The following HPSE2 variants were observed in gnomAD, a reference collection of about 807,000 sequenced individuals.
The protein encoded by HPSE2 is heparanase 2 (inactive), also known as inactive heparanase-2.
In HPSE2, 38 loss-of-function variants were observed where a neutral mutation model predicts 60.5. The ratio of observed to expected loss-of-function variants is 0.63; its 90% confidence interval spans 0.48 to 0.82. HPSE2 has a LOEUF of 0.82. Ranked by LOEUF, HPSE2 falls within the 40% of genes least tolerant of loss-of-function variation. HPSE2 has a pLI of 0.00. For synonymous variants in HPSE2, 295 were observed against 293.2 expected (o/e 1.01, Z -0.06); for missense variants, 713 against 740.4 (o/e 0.96, Z 0.43).
intron 3 of HPSE2, among the ~76,000 whole-genome samples, chr10:98,899,671 G>A (rs1315959189): frequency 3.3e-5 from 5 of 151,596 alleles, no homozygotes; most frequent in Admixed American, 3.3e-4. Context: ...GCAAGTTTTG[G>A]TGAGGAGGTA....
intron 11 of HPSE2, among the ~76,000 whole-genome samples, chr10:98,466,083 C>T (rs574958692): frequency 6.6e-6 from 1 of 152,296 alleles, no homozygotes; most frequent in East Asian, 1.9e-4. Context: ...TATCACTGTT[C>T]TCGATAGCCA....
intron 5 of HPSE2, 94 bp downstream of exon 5, chr10:98,721,563 A>G (rs1948924030): frequency 1.6e-6 from 2 of 1,264,568 alleles, no homozygotes; most frequent in Non-Finnish European, 2.2e-6. Flanking sequence ...AGACCAAAAT[A>G]AATAAATAAA....
chr10:98,516,732 C>T (rs936562224), intron 9 of HPSE2, among the ~76,000 whole-genome samples: 4 of 152,200 alleles, frequency 2.6e-5, no homozygotes, highest in African/African-American at 9.6e-5. Context: ...CCCTGTATCC[C>T]TCTTTGCTGC....
At chr10:98,766,937 C>G (rs1320276355) in intron 3 of HPSE2, among the ~76,000 whole-genome samples, 1 of 151,660 alleles carries the variant, frequency 6.6e-6, no homozygotes, top group Non-Finnish European at 1.5e-5. Flanking sequence ...AAACAAAAAA[C>G]AAAACAAAAA....
chr10:98,745,795 G>A (rs17110771), intron 3 of HPSE2, among the ~76,000 whole-genome samples: 2 of 152,136 alleles, frequency 1.3e-5, no homozygotes, highest in African/African-American at 2.4e-5. Context: ...AGCCGTTAAA[G>A]CTAATGCAGA....
intron 9 of HPSE2, among the ~76,000 whole-genome samples, chr10:98,551,565 G>A (rs375327294): frequency 1.4e-4 from 21 of 152,266 alleles, no homozygotes; most frequent in African/African-American, 3.9e-4. Flanking sequence ...AATCAGAGAC[G>A]CAAACTGGCT....
chr10:98,535,370 G>T, intron 9 of HPSE2, among the ~76,000 whole-genome samples: 1 of 152,028 alleles, frequency 6.6e-6, no homozygotes, highest in East Asian at 1.9e-4. Context: ...GGAGCAGAGG[G>T]AAAGAAGAAA....
At chr10:98,777,812 C>T (rs1465370622) in intron 3 of HPSE2, among the ~76,000 whole-genome samples, 2 of 152,244 alleles carry the variant, frequency 1.3e-5, no homozygotes, top group Non-Finnish European at 2.9e-5. Context: ...TAAGCTACAG[C>T]CACATTTAAC....
At chr10:98,654,545 C>T (rs1421727384) in intron 6 of HPSE2, among the ~76,000 whole-genome samples, 2 of 152,168 alleles carry the variant, frequency 1.3e-5, no homozygotes, top group African/African-American at 4.8e-5. Context: ...ATTTTTGTGA[C>T]AATGTTTTTT....
intron 11 of HPSE2, among the ~76,000 whole-genome samples, chr10:98,481,323 A>G (rs997924985): frequency 3.9e-5 from 6 of 152,174 alleles, no homozygotes; most frequent in African/African-American, 1.4e-4. Flanking sequence ...AAATCTGAAG[A>G]TTAGGAAACT....
At chr10:98,724,979 A>T (rs960867835) in intron 4 of HPSE2, among the ~76,000 whole-genome samples, 5 of 152,172 alleles carry the variant, frequency 3.3e-5, no homozygotes, top group African/African-American at 7.2e-5. Flanking sequence ...CTGCTCAATG[A>T]AATAAAAGAC....
intron 9 of HPSE2, among the ~76,000 whole-genome samples, chr10:98,576,569 A>G (rs1249782520): frequency 6.6e-6 from 1 of 152,094 alleles, no homozygotes; most frequent in Non-Finnish European, 1.5e-5. Context: ...CAGAGGAGAG[A>G]AGAGGAAGCT....
chr10:98,972,126 T>C (rs1955971195), intron 3 of HPSE2, among the ~76,000 whole-genome samples: 1 of 152,124 alleles, frequency 6.6e-6, no homozygotes, highest in South Asian at 2.1e-4. Context: ...TCATTGTTTT[T>C]ATAATTAGCA....
At chr10:98,626,145 A>G in intron 7 of HPSE2, among the ~76,000 whole-genome samples, 1 of 152,164 alleles carries the variant, frequency 6.6e-6, no homozygotes. Context: ...AAAGATGAAT[A>G]AAAACAAGTA....
rs1370229972 is a variant in HPSE2 at position 98,474,471 on chromosome 10, G to A, written c.1613+8165C>T. On this transcript the variant is annotated intron_variant, in intron 11 of 11. Transcript: ENST00000370552. ...GATATTTTTAAAGTCTTAGCACCTG[G>A]GAGTTACTTGAGTATTTTCAGAACC... Among the ~76,000 whole-genome samples, 8 of 152,214 alleles carry A rather than the reference G, an allele frequency of 5.3e-5. No individual in the cohort carries two copies. The South Asian group carries it at 6.2e-4, about 12-fold the overall frequency.
intron 3 of HPSE2, among the ~76,000 whole-genome samples, chr10:99,025,531 C>T (rs1957359037): frequency 6.6e-6 from 1 of 151,994 alleles, no homozygotes; most frequent in South Asian, 2.1e-4. Flanking sequence ...AAAAAAAGAA[C>T]AAGATCATGT....
intron 3 of HPSE2, among the ~76,000 whole-genome samples, chr10:98,940,343 A>G (rs1306048118): frequency 7.0e-6 from 1 of 143,856 alleles, no homozygotes; most frequent in Non-Finnish European, 1.5e-5. Context: ...TAGCAAGACT[A>G]ATAAAGAAGA....
At chr10:99,114,501 T>A (rs1342532146) in intron 3 of HPSE2, among the ~76,000 whole-genome samples, 3 of 152,196 alleles carry the variant, frequency 2.0e-5, no homozygotes, top group African/African-American at 7.2e-5. Flanking sequence ...CATCATCTCT[T>A]CAGATCTCTT....
At chr10:98,975,539 T>C (rs1956063889) in intron 3 of HPSE2, among the ~76,000 whole-genome samples, 1 of 152,154 alleles carries the variant, frequency 6.6e-6, no homozygotes, top group African/African-American at 2.4e-5. Flanking sequence ...CAACAGTTGC[T>C]GAGATTAGAA....
Sources: allele counts gnomAD v4.1 joint callset (sites outside exome capture counted in the v4.1 genomes callset), GRCh38; gene constraint gnomAD v4.1.1; transcripts MANE v1.5; gene names NCBI Gene and HGNC (gene_info 2026-07-23, HGNC 2026-07-21).